Variants in JMJD1C observed in about 807,000 individuals in gnomAD.
The protein encoded by JMJD1C is jumonji domain-containing protein 1C.
A neutral mutation model predicts 245.3 loss-of-function variants in JMJD1C; 31 were observed. The observed-to-expected ratio is 0.13, with a 90% CI of 0.09 to 0.17. JMJD1C has a LOEUF of 0.17. Among genes scored for constraint, JMJD1C ranks in the 10% least tolerant of loss-of-function variants. The pLI is 1.00. For missense variants in JMJD1C, 2,691 were observed against 3,000.2 expected (o/e 0.90, Z 2.41); for synonymous variants, 1,057 against 1,017.4 (o/e 1.04, Z -0.74).
In JMJD1C at chr10:63,305,629, C is replaced by CGTGTGTGTGTGTGTGTGT. The variant is rs36038855; in HGVS notation, c.334-40883_334-40866dup. On this transcript the variant is annotated intron_variant, in intron 2 of 25. Transcript: ENST00000399262. ...CTACGGGCAAGCACCACCATGCTGG[C>CGTGTGTGTGTGTGTGTGT]GTGTGTGTGTGTGTGTGTGTGTGTG... Among the ~76,000 whole-genome samples the CGTGTGTGTGTGTGTGTGT allele has an allele frequency of 8.7e-3, 1,061 of 121,754 alleles. 33 individuals are homozygous for CGTGTGTGTGTGTGTGTGT. Among genetic ancestry groups the CGTGTGTGTGTGTGTGTGT allele is most frequent in the Non-Finnish European group, 0.013 (724 of 57,408 alleles). The allele number at this position is 121,754 out of a possible 152,430, so 79.9% of individuals were successfully genotyped here.
chr10:63,177,918 A>T, intron 22 of JMJD1C, 62 bp from the exon 23 acceptor site: 1 of 1,555,228 alleles, frequency 6.4e-7, no homozygotes, highest in Non-Finnish European at 8.7e-7. Context: ...CAAGTCTCCT[A>T]AAGTTGATCT....
At chr10:63,217,558 TAA>T in intron 4 of JMJD1C, 1 of 299,434 alleles carries the variant, frequency 3.3e-6, no homozygotes, top group East Asian at 6.0e-5. Context: ...TAAAATACTT[TAA>T]GAGAGAAGGA....
chr10:63,191,043 G>A lies in JMJD1C; in HGVS notation c.6142C>T (p.Pro2048Ser). Reference protein sequence around the residue: ...EEREQDNSESPNGRTSPLVSQ... With the variant: ...EEREQDNSESSNGRTSPLVSQ... ...ACAAGAGGTGATGTTCTGCCATTTGGAGATTCAGAGTTGTCTTGTTCTCTT... is the reference window on the plus strand; with the variant it reads ...ACAAGAGGTGATGTTCTGCCATTTGAAGATTCAGAGTTGTCTTGTTCTCTT... The change falls in exon 17 of 26, where the codon CCA becomes TCA. Residue 2048 changes from proline (P) to serine (S), a missense_variant. Coordinates refer to ENST00000399262, the MANE Select transcript of JMJD1C (RefSeq NM_032776.3). 1 of 1,614,186 alleles carries A rather than the reference G, an allele frequency of 6.2e-7. No homozygotes were observed. The highest frequency in any genetic ancestry group is 8.5e-7 in the Non-Finnish European group (1 of 1,179,986).
rs767424403 is a variant in JMJD1C, at chr10:63,183,416, T to C, written c.7084+31A>G. ...AGTGAATGTGATTATTCAACTCTTA[T>C]TTCAAAGACTACTTATTCTTTTAAG... On this transcript the variant is annotated intron_variant, in intron 22 of 25. Coordinates refer to ENST00000399262, the MANE Select transcript of JMJD1C (RefSeq NM_032776.3). 2.5e-6 allele frequency: 4 copies of C among 1,577,296 alleles called. No homozygotes were observed. In the African/African-American group the frequency reaches 4.1e-5, roughly 16 times the overall value.
intron 3 of JMJD1C, among the ~76,000 whole-genome samples, chr10:63,227,735 T>C (rs1268253276): frequency 1.3e-5 from 2 of 152,340 alleles, no homozygotes; most frequent in East Asian, 3.9e-4. Context: ...AAAGCAATTA[T>C]TTTGTATCCT....
rs754115401 is a variant in JMJD1C at position 63,207,519 on chromosome 10, C to A, written c.4150G>T (p.Val1384Phe). The A allele has an allele frequency of 1.9e-5, 30 of 1,614,182 alleles. No individual in the cohort carries two copies. Among genetic ancestry groups the A allele is most frequent in the Non-Finnish European group, 2.5e-5 (29 of 1,180,022 alleles). The change falls in exon 10 of 26, where the codon GTC becomes TTC. Residue 1384 changes from valine to phenylalanine, a missense_variant. Coordinates refer to ENST00000399262, the MANE Select transcript of JMJD1C (RefSeq NM_032776.3). ...AVSQGSVPSS[V>F]MSAVNTMCNT... is the part of the protein sequence containing the mutation. ...CACATCGTATTTACAGCAGACATGACTGAACTGGGAACACTGCCCTGTGAG... is the reference window on the plus strand; with the variant it reads ...CACATCGTATTTACAGCAGACATGAATGAACTGGGAACACTGCCCTGTGAG...
At chr10:63,243,993 T>C (rs926468516) in intron 3 of JMJD1C, among the ~76,000 whole-genome samples, 2 of 152,154 alleles carry the variant, frequency 1.3e-5, no homozygotes, top group Non-Finnish European at 2.9e-5. Context: ...GACAACCAGC[T>C]TCCCTACCAC....
At chr10:63,228,006 G>A (rs1849510619) in intron 3 of JMJD1C, among the ~76,000 whole-genome samples, 1 of 152,120 alleles carries the variant, frequency 6.6e-6, no homozygotes, top group South Asian at 2.1e-4. Context: ...GTTGCTACAG[G>A]GGTGCTCAAA....
intron 1 of JMJD1C, among the ~76,000 whole-genome samples, chr10:63,404,549 T>C (rs1363184945): frequency 6.6e-6 from 1 of 152,168 alleles, no homozygotes; most frequent in Non-Finnish European, 1.5e-5. Flanking sequence ...ACCCAGTAAG[T>C]ATTAAGATAT....
intron 12 of JMJD1C, 31 bp downstream of exon 12, chr10:63,198,482 G>A (rs769725962): frequency 7.9e-6 from 10 of 1,272,288 alleles, no homozygotes; most frequent in African/African-American, 4.5e-5. Flanking sequence ...AATGAAATTT[G>A]TGCAGTTCAT....
intron 2 of JMJD1C, among the ~76,000 whole-genome samples, chr10:63,297,649 C>T (rs2133974713): frequency 6.6e-6 from 1 of 152,260 alleles, no homozygotes; most frequent in Non-Finnish European, 1.5e-5. Flanking sequence ...CTTGGGGTTC[C>T]CAAAGCCAGA....
intron 3 of JMJD1C, among the ~76,000 whole-genome samples, chr10:63,245,702 C>T (rs1331745215): frequency 7.2e-5 from 11 of 152,082 alleles, no homozygotes; most frequent in Admixed American, 5.2e-4. Context: ...AGGCTGGTCT[C>T]GAACTCTTGA....
chr10:63,399,802 T>C (rs1948740014), intron 1 of JMJD1C, among the ~76,000 whole-genome samples: 1 of 151,990 alleles, frequency 6.6e-6, no homozygotes, highest in Non-Finnish European at 1.5e-5. Context: ...AAAACTTCTT[T>C]TGGGATTATG....
chr10:63,435,673 G>C (rs1049255044), intron 1 of JMJD1C, among the ~76,000 whole-genome samples: 1 of 152,132 alleles, frequency 6.6e-6, no homozygotes, highest in East Asian at 1.9e-4. Flanking sequence ...GCTGAGGCGC[G>C]TGGACTGGCT....
chr10:63,487,477 C>G (rs181707640), intron 1 of JMJD1C, among the ~76,000 whole-genome samples: 1 of 152,308 alleles, frequency 6.6e-6, no homozygotes, highest in East Asian at 1.9e-4. Context: ...GCTAAACATC[C>G]TATAATGCCA....
At chr10:63,513,214 T>A (rs528995114) in intron 1 of JMJD1C, among the ~76,000 whole-genome samples, 1 of 152,306 alleles carries the variant, frequency 6.6e-6, no homozygotes, top group African/African-American at 2.4e-5. Flanking sequence ...GGGGAAAGGA[T>A]TCCCTATTCA....
At chr10:63,413,345 T>C (rs977500536) in intron 1 of JMJD1C, among the ~76,000 whole-genome samples, 7 of 152,168 alleles carry the variant, frequency 4.6e-5, no homozygotes, top group African/African-American at 1.7e-4. Flanking sequence ...CTACCTTAAA[T>C]ATATGGTATT....
At chr10:63,276,661 GATTCGCC>G (rs1856803860) in intron 2 of JMJD1C, among the ~76,000 whole-genome samples, 1 of 151,982 alleles carries the variant, frequency 6.6e-6, no homozygotes, top group African/African-American at 2.4e-5. Flanking sequence ...TAGGGACAGG[GATTCGCC>G]ATATTGGCCA....
intron 2 of JMJD1C, among the ~76,000 whole-genome samples, chr10:63,309,803 G>T (rs993527435): frequency 6.6e-6 from 1 of 152,100 alleles, no homozygotes; most frequent in African/African-American, 2.4e-5. Context: ...TGTAATCTCA[G>T]CTACTCAGGA....
Sources: gnomAD v4.1 joint callset for allele counts (sites outside exome capture counted in the v4.1 genomes callset) on GRCh38, gnomAD v4.1.1 for gene constraint, MANE v1.5 for transcripts, NCBI Gene and HGNC (gene_info 2026-07-23, HGNC 2026-07-21) for gene names.